Variants in USF3 observed in about 807,000 individuals in gnomAD.
The protein encoded by USF3 is upstream transcription factor family member 3, also known as basic helix-loop-helix domain-containing protein USF3.
USF3 carries 29 observed loss-of-function variants against 157.5 expected under a neutral mutation model. That is an observed-to-expected ratio of 0.18 (90% CI 0.14 to 0.25). The LOEUF is 0.25. Among genes scored for constraint, USF3 ranks in the 10% least tolerant of loss-of-function variants. USF3 has a pLI of 1.00. For synonymous variants in USF3, 893 were observed against 941.4 expected (o/e 0.95, Z 0.94); for missense variants, 2,381 against 2,667.6 (o/e 0.89, Z 2.37).
intron 1 of USF3, among the ~76,000 whole-genome samples, chr3:113,693,144 C>A (rs1334492857): frequency 6.6e-6 from 1 of 152,156 alleles, no homozygotes; most frequent in Non-Finnish European, 1.5e-5. Context: ...TATAACATGG[C>A]AGTCATTTAC....
chr3:113,671,765 CTTTTTT>C (rs10686146), intron 4 of USF3, among the ~76,000 whole-genome samples: 1 of 113,152 alleles, frequency 8.8e-6, no homozygotes, highest in Non-Finnish European at 1.8e-5. Flanking sequence ...TTTCTTCTTC[CTTTTTT>C]TTTTTTTTTT....
At chr3:113,672,080 T>C (rs537380025) in intron 4 of USF3, among the ~76,000 whole-genome samples, 2 of 152,098 alleles carry the variant, frequency 1.3e-5, no homozygotes, top group Non-Finnish European at 2.9e-5. Context: ...CTAGCATCCT[T>C]TTCAATGACA....
chr3:113,688,582 AGTGTGTTTC>A (rs1008375138), intron 1 of USF3, among the ~76,000 whole-genome samples: 2 of 152,156 alleles, frequency 1.3e-5, no homozygotes, highest in Non-Finnish European at 2.9e-5. Context: ...CAGGTATTTG[AGTGTGTTTC>A]ATTCACCAAT....
chr3:113,682,793 T>C (rs1353071654), intron 1 of USF3, among the ~76,000 whole-genome samples: 1 of 152,176 alleles, frequency 6.6e-6, no homozygotes, highest in African/African-American at 2.4e-5. Context: ...TGGTTTCCAT[T>C]TGTATGCTAT....
chr3:113,693,559 G>A (rs1447838049), intron 1 of USF3, among the ~76,000 whole-genome samples: 1 of 152,182 alleles, frequency 6.6e-6, no homozygotes, highest in Non-Finnish European at 1.5e-5. Context: ...TAAAACTATG[G>A]TTGCAGGAAG....
chr3:113,658,560 G>C lies in USF3; in HGVS notation c.3122C>G (p.Ser1041Ter). 1 of 1,613,804 alleles carries C rather than the reference G, an allele frequency of 6.2e-7. No individual in the cohort carries two copies. Among genetic ancestry groups the C allele is most frequent in the Non-Finnish European group, 8.5e-7 (1 of 1,179,908 alleles). ...CTGTTTGGGATGTAAATTCACACTT[G>C]AATCAACTATTTTAGGATTTTCTGA... ...FSSENPKIVD[S>*]SVNLHPKQEL... Residue 1041 changes from serine (S) to a stop codon, truncating the protein, a stop_gained, in exon 7 of 7, where the codon TCA becomes TGA. Coordinates refer to ENST00000316407, the MANE Select transcript of USF3 (RefSeq NM_001009899.4). LOFTEE classifies it high-confidence loss of function.
At chr3:113,690,691 C>A (rs560606393) in intron 1 of USF3, among the ~76,000 whole-genome samples, 115 of 152,220 alleles carry the variant, frequency 7.6e-4, no homozygotes, top group African/African-American at 2.6e-3. Flanking sequence ...TCTGTTTATC[C>A]AAATCCTACC....
intron 1 of USF3, among the ~76,000 whole-genome samples, chr3:113,689,267 G>C (rs1393311934): frequency 6.6e-6 from 1 of 152,276 alleles, no homozygotes. Context: ...ACTCCTCAGA[G>C]GACTGTTACA....
chr3:113,650,721 C>A lies in USF3; in HGVS notation c.*4223G>T, dbSNP rs1427436355. On this transcript the variant is annotated 3_prime_UTR_variant, in exon 7 of 7. Coordinates refer to ENST00000316407, the MANE Select transcript of USF3 (RefSeq NM_001009899.4). ...TAAATTATCTTTAAAATACTTAAAT[C>A]ATTTTGTATTTTAAGAAGGCTAATT... is the stretch of plus-strand genomic sequence containing the variant. 18 of 152,066 alleles carry A rather than the reference C, an allele frequency of 1.2e-4. No homozygotes were observed. Among genetic ancestry groups the A allele is most frequent in the Admixed American group, 1.0e-3 (16 of 15,260 alleles). 9.4% of individuals were successfully genotyped at this position (152,066 alleles called of 1,614,324 possible).
rs1947261210 is a variant in USF3 at position 113,651,573 on chromosome 3, T to C, written c.*3371A>G. 1 of 152,228 alleles carries C rather than the reference T, an allele frequency of 6.6e-6. No individual in the cohort carries two copies. The highest frequency in any genetic ancestry group is 2.1e-4 in the South Asian group (1 of 4,838). The allele number at this position is 152,228 out of a possible 1,614,324, so 9.4% of individuals were successfully genotyped here. A position where few individuals can be genotyped will look rare whatever the true frequency, so the allele number is the denominator to read the frequency against. Reference sequence around the variant, plus strand: ...TCTGCCATCCCTTTACCAAAAATTATATCCAAATTAACACTACATACCATA... The same window carrying C: ...TCTGCCATCCCTTTACCAAAAATTACATCCAAATTAACACTACATACCATA... On this transcript the variant is annotated 3_prime_UTR_variant, in exon 7 of 7. Coordinates refer to ENST00000316407, the MANE Select transcript of USF3 (RefSeq NM_001009899.4).
intron 1 of USF3, among the ~76,000 whole-genome samples, chr3:113,692,382 T>A (rs1707705360): frequency 6.6e-6 from 1 of 152,114 alleles, no homozygotes; most frequent in East Asian, 1.9e-4. Context: ...ATGTAAAAAA[T>A]TCATATTATT....
chr3:113,695,945 G>A (rs1389369986), intron 1 of USF3, among the ~76,000 whole-genome samples: 1 of 152,270 alleles, frequency 6.6e-6, no homozygotes, highest in Non-Finnish European at 1.5e-5. Context: ...GGGTACGAAA[G>A]AAATTCAGAG....
At chr3:113,682,225 T>G (rs1577049851) in intron 1 of USF3, among the ~76,000 whole-genome samples, 1 of 152,170 alleles carries the variant, frequency 6.6e-6, no homozygotes, top group East Asian at 1.9e-4. Context: ...CTGCAGAGAC[T>G]GAGGTGGGAG....
rs1169826115 is a variant in USF3 at position 113,656,976 on chromosome 3, T to G, written c.4706A>C (p.His1569Pro). 1 of 1,614,222 alleles carries G rather than the reference T, an allele frequency of 6.2e-7. No homozygotes were observed. Among genetic ancestry groups the G allele is most frequent in the Admixed American group, 1.7e-5 (1 of 60,022 alleles). ...CTTCTCTGTCTGGGAGCTTCCAAAG[T>G]GTTGCTGCATTTGTTGCTGCATCTG... ...HQQMQQQMQQHFGSSQTEKSC... is the reference protein window; with the variant it reads ...HQQMQQQMQQPFGSSQTEKSC... The change falls in exon 7 of 7, where the codon CAC becomes CCC. Residue 1569 changes from histidine to proline, a missense_variant. By Grantham distance (77) the His-to-Pro change is moderately conservative. This residue lies in a region of USF3 where 770 missense variants were observed against 824.2 expected (regional missense o/e 0.93). Transcript: ENST00000316407.
In USF3 at chr3:113,657,277, GC is replaced by G; in HGVS notation, c.4404del (p.Gln1468HisfsTer15). 6.3e-7 allele frequency: 1 copy of G among 1,585,204 alleles called. No homozygotes were observed. The highest frequency in any genetic ancestry group is 2.3e-5 in the East Asian group (1 of 44,372). ...LYIKQQQQQQ[Q>X]QQQQQQQQQQ... Reference sequence around the variant, plus strand: ...TGTTGTTGCTGTTGCTGCTGCTGCTGCTGCTGCTGCTGCTGCTGCTGCTTTA... The same window carrying G: ...TGTTGTTGCTGTTGCTGCTGCTGCTGTGCTGCTGCTGCTGCTGCTGCTTTA... On this transcript the variant is annotated frameshift_variant, in exon 7 of 7. Transcript: ENST00000316407. LOFTEE classifies it high-confidence loss of function.
intron 1 of USF3, among the ~76,000 whole-genome samples, chr3:113,691,610 ATATCTT>A (rs1242022829): frequency 1.3e-5 from 2 of 152,200 alleles, no homozygotes; most frequent in African/African-American, 4.8e-5. Context: ...CACAAGGAGA[ATATCTT>A]GCTGAGGCTG....
At position 113,659,378 on chromosome 3, in the gene USF3, T is replaced by C; in HGVS notation, c.2304A>G (p.Thr768=). 1.9e-6 allele frequency: 3 copies of C among 1,614,254 alleles called. No homozygotes were observed. The highest frequency in any genetic ancestry group is 1.7e-5 in the Admixed American group (1 of 60,028). Reference sequence around the variant, plus strand: ...TCACTAGATTATAAGTACTAGCTAGTGTGGCTGAACTATCTGTTGTCACAG... The same window carrying C: ...TCACTAGATTATAAGTACTAGCTAGCGTGGCTGAACTATCTGTTGTCACAG... ...APPVTTDSSA[T]LASTYNLVST... Residue 768 remains threonine, a synonymous_variant, in exon 7 of 7, where the codon ACA becomes ACG. Coordinates refer to ENST00000316407, the MANE Select transcript of USF3 (RefSeq NM_001009899.4).
chr3:113,666,327 C>G (rs1309979879), intron 5 of USF3, among the ~76,000 whole-genome samples: 3 of 142,226 alleles, frequency 2.1e-5, no homozygotes, highest in Non-Finnish European at 3.0e-5. Flanking sequence ...TCTCGGCTCA[C>G]TGCAACCTCT....
Position 113,656,938 on chromosome 3 carries a change from G to C in USF3, c.4744C>G (p.Pro1582Ala), listed in dbSNP as rs772357952. The C allele has an allele frequency of 1.9e-6, 3 of 1,614,158 alleles. No homozygotes were observed. Among genetic ancestry groups the C allele is most frequent in the African/African-American group, 1.3e-5 (1 of 75,050 alleles). ...TTATGATGGTTCCGACTAGTTGAAG[G>C]GTTTTCACAGCTCTTCTCTGTCTGG... Reference protein sequence around the residue: ...SSQTEKSCENPSTSRNHHNHP... With the variant: ...SSQTEKSCENASTSRNHHNHP... Residue 1582 changes from proline (P) to alanine (A), a missense_variant, in exon 7 of 7, where the codon CCT (proline) becomes GCT (alanine). Pro to Ala is a conservative substitution (Grantham distance 27, BLOSUM62 -1). This residue lies in a region of USF3 where 770 missense variants were observed against 824.2 expected (regional missense o/e 0.93). Coordinates refer to ENST00000316407, the MANE Select transcript of USF3 (RefSeq NM_001009899.4).
Sources: allele counts gnomAD v4.1 joint callset (sites outside exome capture counted in the v4.1 genomes callset), GRCh38; gene constraint gnomAD v4.1.1; regional missense constraint gnomAD v4.1.1; transcripts MANE v1.5; gene names NCBI Gene and HGNC (gene_info 2026-07-23, HGNC 2026-07-21).